The following PTPN5 variants were observed in gnomAD, a reference collection of about 807,000 sequenced individuals.
PTPN5 encodes the protein protein tyrosine phosphatase non-receptor type 5, also known as tyrosine-protein phosphatase non-receptor type 5.
In PTPN5, 29 loss-of-function variants were observed where a neutral mutation model predicts 73.9. The ratio of observed to expected loss-of-function variants is 0.39; its 90% CI spans 0.29 to 0.54. The LOEUF (loss-of-function observed/expected upper bound fraction) is 0.54. Among genes scored for constraint, PTPN5 ranks in the 20% least tolerant of loss-of-function variants. PTPN5 has a pLI of 0.65. For synonymous variants in PTPN5, 267 were observed against 304.7 expected (o/e 0.88, Z 1.29); for missense variants, 652 against 751.4 (o/e 0.87, Z 1.55).
intron 8 of PTPN5, 48 bp downstream of exon 8, chr11:18,740,555 T>C (rs532289190): frequency 2.2e-6 from 3 of 1,369,942 alleles, no homozygotes; most frequent in Admixed American, 2.9e-5. Flanking sequence ...AGGTGGATGA[T>C]TGACATGGGT....
At position 18,729,066 on chromosome 11, in the gene PTPN5, A is replaced by G. The variant is rs764116147; in HGVS notation, c.1605-39T>C. The G allele has an allele frequency of 1.2e-6, 2 of 1,601,112 alleles. No individual in the cohort carries two copies. Among genetic ancestry groups the G allele is most frequent in the Non-Finnish European group, 1.7e-6 (2 of 1,173,834 alleles). On this transcript the variant is annotated intron_variant, in intron 14 of 14. Transcript: ENST00000358540. The surrounding 1 kb of genome is among the most constrained non-coding windows in gnomAD (Gnocchi z 5.2). The stretch of plus-strand genomic sequence containing the variant: ...ATGCACAGTGGGGGCAGGGTCGTGG[A>G]GGGATGGGCTGTGGGAGGTGCCCCA...
intron 1 of PTPN5, among the ~76,000 whole-genome samples, chr11:18,775,797 A>T (rs1851120903): frequency 6.6e-6 from 1 of 152,156 alleles, no homozygotes; most frequent in Non-Finnish European, 1.5e-5. Context: ...GCCTTTCCTT[A>T]GAGGTCAGGC....
At chr11:18,772,760 T>G (rs561490485) in intron 1 of PTPN5, among the ~76,000 whole-genome samples, 1 of 152,200 alleles carries the variant, frequency 6.6e-6, no homozygotes. Flanking sequence ...ACACCTGCTA[T>G]GTTCAGGCTA....
At chr11:18,764,587 C>T (rs1428435068) in intron 3 of PTPN5, among the ~76,000 whole-genome samples, 1 of 152,204 alleles carries the variant, frequency 6.6e-6, no homozygotes, top group Non-Finnish European at 1.5e-5. Context: ...TTTCCAATGT[C>T]TATCTTAAAG....
chr11:18,781,170 G>C lies in PTPN5; in HGVS notation c.-113-9099C>G, dbSNP rs371426622. On this transcript the variant is annotated intron_variant, in intron 1 of 14. Coordinates refer to ENST00000358540, the MANE Select transcript of PTPN5 (RefSeq NM_006906.2). The stretch of plus-strand genomic sequence containing the variant: ...CCCCCGGCCCCGCCCCGGCCCCCTT[G>C]ACTCCCTGAGCTGCGCTACTTTGCA... 1.6e-4 allele frequency among the ~76,000 whole-genome samples: 24 copies of C among 148,260 alleles called. No individual in the cohort carries two copies. The East Asian group carries it at 4.3e-3, about 27-fold the overall frequency.
chr11:18,753,965 A>G (rs1181278858), intron 3 of PTPN5, among the ~76,000 whole-genome samples: 1 of 152,174 alleles, frequency 6.6e-6, no homozygotes, highest in Non-Finnish European at 1.5e-5. Flanking sequence ...AACATCACCC[A>G]TTCTGCAAGG....
intron 3 of PTPN5, among the ~76,000 whole-genome samples, chr11:18,756,938 C>CAAAAAAAAAAAAAA: frequency 7.2e-6 from 1 of 138,162 alleles, no homozygotes; most frequent in South Asian, 2.3e-4. Context: ...AAAAAAAAAC[C>CAAAAAAAAAAAAAA]AAAAAACAAA....
chr11:18,762,655 G>T (rs12577948), intron 3 of PTPN5, among the ~76,000 whole-genome samples: 4,421 of 152,172 alleles, frequency 0.029, 121 homozygotes, highest in South Asian at 0.1. Context: ...TATTTTATTT[G>T]TTGTCTATTT....
At chr11:18,776,706 T>C (rs1851175156) in intron 1 of PTPN5, among the ~76,000 whole-genome samples, 1 of 152,184 alleles carries the variant, frequency 6.6e-6, no homozygotes, top group Admixed American at 6.5e-5. Context: ...GGCTTCAAAC[T>C]CAGTTTATCT....
At chr11:18,751,996 C>T (rs1019462157) in intron 3 of PTPN5, among the ~76,000 whole-genome samples, 13 of 152,064 alleles carry the variant, frequency 8.5e-5, no homozygotes, top group East Asian at 1.9e-4. Flanking sequence ...TTTGGGAGGC[C>T]GAGGCAGGTG....
rs567010387 is a variant in PTPN5, at chr11:18,744,139, T to A, written c.158A>T (p.Gln53Leu). Reference protein sequence around the residue: ...LDEAEGLQDSQREMPPPPPPS... With the variant: ...LDEAEGLQDSLREMPPPPPPS... ...AGGAGGGGGTGGCGGCATCTCTCTCTGTGAGTCCTGGAGCCCTTCAGCCTC... is the reference window on the plus strand; with the variant it reads ...AGGAGGGGGTGGCGGCATCTCTCTCAGTGAGTCCTGGAGCCCTTCAGCCTC... Residue 53 changes from glutamine (Q) to leucine (L), a missense_variant, in exon 4 of 15, where the codon CAG becomes CTG. Physicochemically the swap from Gln to Leu is moderately radical, Grantham distance 113. This residue lies in a region of PTPN5 where 529 missense variants were observed against 573.9 expected (regional missense o/e 0.92). Transcript: ENST00000358540. 41 of 1,607,356 alleles carry A rather than the reference T, an allele frequency of 2.6e-5. No homozygotes were observed. In the South Asian group the frequency reaches 4.1e-4, roughly 16 times the overall value.
Position 18,742,335 on chromosome 11 carries a change from C to T in PTPN5, c.652G>A (p.Asp218Asn). The change falls in exon 7 of 15, where the codon GAT becomes AAT. Residue 218 changes from aspartate to asparagine, a missense_variant. Physicochemically the swap from Asp to Asn is conservative, Grantham distance 23 (BLOSUM62 1). This residue lies in a region of PTPN5 where 529 missense variants were observed against 573.9 expected (regional missense o/e 0.92). Coordinates refer to ENST00000358540, the MANE Select transcript of PTPN5 (RefSeq NM_006906.2). This position sits in a 1 kb window ranked among gnomAD's most constrained non-coding sequence, Gnocchi z 4.1. Reference sequence around the variant, plus strand: ...TCAGGCTTGATGTCCATCACACAATCAAACACAGGAGTCTCGGGCACCGGG... The same window carrying T: ...TCAGGCTTGATGTCCATCACACAATTAAACACAGGAGTCTCGGGCACCGGG... ...LDPVPETPVFDCVMDIKPEAD... is the reference protein window; with the variant it reads ...LDPVPETPVFNCVMDIKPEAD... The T allele has an allele frequency of 6.2e-7, 1 of 1,614,144 alleles. No homozygotes were observed. Among genetic ancestry groups the T allele is most frequent in the Non-Finnish European group, 8.5e-7 (1 of 1,180,028 alleles).
chr11:18,781,568 C>T (rs1375209897), intron 1 of PTPN5, among the ~76,000 whole-genome samples: 1 of 152,090 alleles, frequency 6.6e-6, no homozygotes, highest in Non-Finnish European at 1.5e-5. Context: ...GATCCACCCG[C>T]CTCGGCCTGG....
chr11:18,737,058 T>C (rs1849145136), intron 9 of PTPN5, among the ~76,000 whole-genome samples: 1 of 152,246 alleles, frequency 6.6e-6, no homozygotes, highest in African/African-American at 2.4e-5. Context: ...GCAAAACTGC[T>C]TTTTAAAAGC....
intron 12 of PTPN5, among the ~76,000 whole-genome samples, chr11:18,731,477 C>T (rs988370538): frequency 6.6e-6 from 1 of 152,128 alleles, no homozygotes; most frequent in Non-Finnish European, 1.5e-5. Flanking sequence ...CCTCAAACTC[C>T]AAGATGCCCT....
chr11:18,776,650 C>T (rs1018860482), intron 1 of PTPN5, among the ~76,000 whole-genome samples: 1 of 152,158 alleles, frequency 6.6e-6, no homozygotes, highest in Non-Finnish European at 1.5e-5. Context: ...CTTGGAGACA[C>T]TAAGTCACCT....
intron 1 of PTPN5, among the ~76,000 whole-genome samples, chr11:18,772,738 C>T (rs1432457843): frequency 1.3e-5 from 2 of 152,210 alleles, no homozygotes; most frequent in African/African-American, 4.8e-5. Flanking sequence ...ATTTGTTCAA[C>T]CCGTTTACTA....
chr11:18,777,739 A>C (rs1007085262), intron 1 of PTPN5, among the ~76,000 whole-genome samples: 2 of 152,230 alleles, frequency 1.3e-5, no homozygotes, highest in African/African-American at 4.8e-5. Flanking sequence ...TGGGGCCATG[A>C]GTTCGAGACC....
chr11:18,778,542 C>T (rs905544901), intron 1 of PTPN5, among the ~76,000 whole-genome samples: 1 of 152,184 alleles, frequency 6.6e-6, no homozygotes, highest in Admixed American at 6.5e-5. Flanking sequence ...TGGTTTGTGC[C>T]ATCCTGACGA....
Sources: allele counts gnomAD v4.1 joint callset (sites outside exome capture counted in the v4.1 genomes callset), GRCh38; gene constraint gnomAD v4.1.1; regional missense constraint gnomAD v4.1.1; non-coding constraint Gnocchi (gnomAD v3.1); transcripts MANE v1.5; gene names NCBI Gene and HGNC (gene_info 2026-07-23, HGNC 2026-07-21).